SLX4IP: variants seen among roughly 807,000 people sequenced by gnomAD.
The protein encoded by SLX4IP is protein SLX4IP.
In SLX4IP, 34 loss-of-function variants were observed where a neutral mutation model predicts 32.9. The observed-to-expected ratio is 1.03, with a 90% CI of 0.79 to 1.38. The LOEUF (loss-of-function observed/expected upper bound fraction) is 1.38, where lower values mean the gene tolerates loss of function less well. SLX4IP is among the 40% of genes most tolerant of loss of function. SLX4IP has a pLI of 0.00. For missense variants in SLX4IP, 444 were observed against 479.0 expected, an observed-to-expected ratio of 0.93 and a Z score of 0.68; for synonymous variants, 172 against 171.7, an observed-to-expected ratio of 1.00 and a Z score of -0.01.
intron 2 of SLX4IP, among the ~76,000 whole-genome samples, chr20:10,498,463 A>G (rs900551094): frequency 1.3e-5 from 2 of 151,896 alleles, no homozygotes; most frequent in African/African-American, 4.8e-5. Flanking sequence ...TGCCCCTGCC[A>G]GTTCTGTGGT....
intron 2 of SLX4IP, among the ~76,000 whole-genome samples, chr20:10,518,511 TTCC>T (rs1384963260): frequency 6.1e-4 from 78 of 127,144 alleles, no homozygotes; most frequent in African/African-American, 2.4e-3. Context: ...CCTTCCTTCC[TTCC>T]TTCCTTCCTT....
At chr20:10,491,507 A>G (rs1402796474) in intron 2 of SLX4IP, among the ~76,000 whole-genome samples, 2 of 152,198 alleles carry the variant, frequency 1.3e-5, no homozygotes, top group Non-Finnish European at 2.9e-5. Flanking sequence ...CTGTCTGCAC[A>G]ACTAGAGAAT....
chr20:10,448,380 T>A (rs765649679), intron 1 of SLX4IP, among the ~76,000 whole-genome samples: 20 of 152,048 alleles, frequency 1.3e-4, no homozygotes, highest in Non-Finnish European at 2.6e-4. Flanking sequence ...TTTTTTGAGG[T>A]GGGAAGAATT....
At chr20:10,527,185 G>A (rs2065947285) in intron 2 of SLX4IP, among the ~76,000 whole-genome samples, 1 of 152,156 alleles carries the variant, frequency 6.6e-6, no homozygotes, top group African/African-American at 2.4e-5. Flanking sequence ...CTCTATAAAA[G>A]CTATAAAAAC....
intron 1 of SLX4IP, among the ~76,000 whole-genome samples, chr20:10,454,238 C>CT (rs2065266551): frequency 6.6e-6 from 1 of 152,120 alleles, no homozygotes; most frequent in East Asian, 1.9e-4. Context: ...GGGTGTGGGG[C>CT]TTATGGATGT....
At chr20:10,584,224 T>C in intron 4 of SLX4IP, among the ~76,000 whole-genome samples, 1 of 152,216 alleles carries the variant, frequency 6.6e-6, no homozygotes, top group African/African-American at 2.4e-5. Flanking sequence ...TTCATTTAAA[T>C]TCCCTGGAGG....
At chr20:10,544,145 C>A (rs667940) in intron 2 of SLX4IP, among the ~76,000 whole-genome samples, 85,378 of 151,986 alleles carry the variant, frequency 0.56, 24,840 homozygotes, top group South Asian at 0.72. Flanking sequence ...AAAGGATTTA[C>A]ATGCAGTTAT....
intron 4 of SLX4IP, among the ~76,000 whole-genome samples, chr20:10,589,383 A>G (rs1039708846): frequency 1.3e-5 from 2 of 152,200 alleles, no homozygotes; most frequent in African/African-American, 2.4e-5. Context: ...ACAAGCTAAT[A>G]AAAGGATAAA....
intron 2 of SLX4IP, among the ~76,000 whole-genome samples, chr20:10,510,210 T>G (rs1348909419): frequency 6.6e-6 from 1 of 152,272 alleles, no homozygotes; most frequent in Non-Finnish European, 1.5e-5. Flanking sequence ...CTAGTCACTC[T>G]TCTTGATTGG....
chr20:10,441,045 G>A (rs755598769), intron 1 of SLX4IP, among the ~76,000 whole-genome samples: 15 of 152,164 alleles, frequency 9.9e-5, no homozygotes, highest in East Asian at 1.9e-4. Flanking sequence ...CAGGTCATAC[G>A]AAGAGTCAGA....
rs143463611 is a variant in SLX4IP, at chr20:10,621,533, G to C, written c.506+119G>C. ...TGAAGCACAAACTCCCCTCCGTCAC[G>C]TACTTACTCTCCCCTCCCTCCTGAC... On this transcript the variant is annotated intron_variant, in intron 7 of 7. Coordinates refer to ENST00000334534, the MANE Select transcript of SLX4IP (RefSeq NM_001009608.3). 8 of 798,532 alleles carry C rather than the reference G, an allele frequency of 1.0e-5. No individual in the cohort carries two copies. The East Asian group carries it at 1.1e-4, about 11-fold the overall frequency. 49.5% of individuals were successfully genotyped at this position (798,532 alleles called of 1,614,324 possible).
intron 4 of SLX4IP, among the ~76,000 whole-genome samples, chr20:10,569,345 C>T (rs1178078576): frequency 2.0e-5 from 3 of 152,060 alleles, no homozygotes; most frequent in African/African-American, 7.2e-5. Context: ...GCCACCACAC[C>T]CAGCTAATTT....
At chr20:10,483,633 A>G (rs1044284790) in intron 2 of SLX4IP, among the ~76,000 whole-genome samples, 2 of 133,558 alleles carry the variant, frequency 1.5e-5, no homozygotes, top group African/African-American at 2.7e-5. Flanking sequence ...TACATATTAA[A>G]ATCCTGACTA....
rs1445138396 is a variant in SLX4IP at position 10,498,196 on chromosome 20, A to T, written c.27+39965A>T. Among the ~76,000 whole-genome samples, 6 of 150,366 alleles carry T rather than the reference A, an allele frequency of 4.0e-5. 1 individual carries two copies. Among genetic ancestry groups the T allele is most frequent in the South Asian group, 4.2e-4 (2 of 4,730 alleles). ...GATCATCTGTCTTGCAGTGAATTAGATATTGTTAATCTATTAGCTGAGCCA... is the reference window on the plus strand; with the variant it reads ...GATCATCTGTCTTGCAGTGAATTAGTTATTGTTAATCTATTAGCTGAGCCA... On this transcript the variant is annotated intron_variant, in intron 2 of 7. Transcript: ENST00000334534.
At position 10,626,190 on chromosome 20, in the gene SLX4IP, ATTTTTTTTTTTT is replaced by A; in HGVS notation, c.*2825_*2836del. 1 of 77,056 alleles carries A rather than the reference ATTTTTTTTTTTT, an allele frequency of 1.3e-5. No homozygotes were observed. The highest frequency in any genetic ancestry group is 1.8e-4 in the Admixed American group (1 of 5,454). 4.8% of individuals were successfully genotyped at this position (77,056 alleles called of 1,614,324 possible). ...CCACCACGCCCGGCTAATTTTTTGT[ATTTTTTTTTTTT>A]TTTTTTTTTTTTTAGCAGAAACGGG... On this transcript the variant is annotated 3_prime_UTR_variant, in exon 8 of 8. Coordinates refer to ENST00000334534, the MANE Select transcript of SLX4IP (RefSeq NM_001009608.3).
At chr20:10,600,044 AT>A (rs199815413) in intron 5 of SLX4IP, among the ~76,000 whole-genome samples, 4 of 151,112 alleles carry the variant, frequency 2.6e-5, no homozygotes, top group South Asian at 2.1e-4. Flanking sequence ...CAATTTTATG[AT>A]TTTTTTAGGG....
chr20:10,615,349 A>C (rs2067013639), intron 6 of SLX4IP, among the ~76,000 whole-genome samples: 1 of 152,052 alleles, frequency 6.6e-6, no homozygotes, highest in Non-Finnish European at 1.5e-5. Context: ...TTCATTCTTC[A>C]CTTCCATGTC....
intron 1 of SLX4IP, among the ~76,000 whole-genome samples, chr20:10,436,731 C>G (rs2065118902): frequency 1.3e-5 from 2 of 152,146 alleles, no homozygotes; most frequent in African/African-American, 4.8e-5. Context: ...GTTCTAAATG[C>G]AATGGATATT....
At chr20:10,487,301 A>G (rs2065583203) in intron 2 of SLX4IP, among the ~76,000 whole-genome samples, 1 of 152,170 alleles carries the variant, frequency 6.6e-6, no homozygotes, top group Non-Finnish European at 1.5e-5. Context: ...CTTAATGGAA[A>G]AGGGTGGGTC....
Sources: gnomAD v4.1 joint callset for allele counts (sites outside exome capture counted in the v4.1 genomes callset) on GRCh38, gnomAD v4.1.1 for gene constraint, MANE v1.5 for transcripts, NCBI Gene and HGNC (gene_info 2026-07-23, HGNC 2026-07-21) for gene names.